The following SMARCA1 variants were observed in gnomAD, a reference collection of about 807,000 sequenced individuals.
SMARCA1 encodes SWI/SNF-related matrix-associated actin-dependent regulator of chromatin subfamily A member 1.
In SMARCA1, 17 loss-of-function variants were observed where a neutral mutation model predicts 93.6. The observed-to-expected ratio is 0.18, with a 90% confidence interval of 0.12 to 0.27. The LOEUF is 0.27. SMARCA1 is among the 10% of genes least tolerant of loss of function. The pLI is 1.00. For missense variants in SMARCA1, 630 were observed against 819.0 expected (o/e 0.77, Z 2.82); for synonymous variants, 271 against 271.4 (o/e 1.00, Z 0.01).
intron 19 of SMARCA1, among the ~76,000 whole-genome samples, chrX:129,475,997 G>T (rs956994881): frequency 2.7e-5 from 3 of 112,534 alleles, no homozygotes; most frequent in Admixed American, 1.9e-4. Context: ...GGGGATAAAT[G>T]TTAGAATGTT....
At chrX:129,510,534 T>C (rs1472121082) in intron 6 of SMARCA1, among the ~76,000 whole-genome samples, 1 of 111,805 alleles carries the variant, frequency 8.9e-6, no homozygotes, top group Non-Finnish European at 1.9e-5. Flanking sequence ...CATCACTGCA[T>C]TCCAGCCTGG....
At chrX:129,474,284 T>A (rs1933274234) in intron 19 of SMARCA1, among the ~76,000 whole-genome samples, 1 of 111,960 alleles carries the variant, frequency 8.9e-6, no homozygotes, top group South Asian at 3.7e-4. Flanking sequence ...GTATGTGAAA[T>A]TACTTTGGTT....
At chrX:129,495,571 G>A (rs766104364) in intron 12 of SMARCA1, among the ~76,000 whole-genome samples, 47 of 109,813 alleles carry the variant, frequency 4.3e-4, no homozygotes, top group Admixed American at 1.7e-3. Context: ...ACCGGGTCTC[G>A]CTATGTTGCT....
intron 11 of SMARCA1, among the ~76,000 whole-genome samples, chrX:129,497,182 G>C (rs777899241): frequency 9.0e-6 from 1 of 110,624 alleles, no homozygotes; most frequent in Non-Finnish European, 1.9e-5. Flanking sequence ...CTCTCTCACT[G>C]GACTACAGCA....
chrX:129,487,282 A>C (rs1933932842), intron 16 of SMARCA1, 145 bp from the exon 17 acceptor site: 1 of 374,440 alleles, frequency 2.7e-6, no homozygotes, highest in Non-Finnish European at 4.5e-6. Flanking sequence ...GCTAACATCA[A>C]ACCTGAAGTG....
intron 23 of SMARCA1, among the ~76,000 whole-genome samples, chrX:129,463,448 C>T (rs188755157): frequency 1.2e-4 from 13 of 111,784 alleles, no homozygotes; most frequent in African/African-American, 3.9e-4. Context: ...CTACATTGTT[C>T]TTCAATAATC....
In SMARCA1 at chrX:129,465,583, T is replaced by C; in HGVS notation, c.2967A>G (p.Arg989=). The part of the protein sequence containing the change: ...FDRENVYEEL[R]QCVRNAPQFR... Reference sequence around the variant, plus strand: ...ACTGGGGAGCATTTCGTACACACTGTCTTAATTCTTCATATACATTTTCTC... The same window carrying C: ...ACTGGGGAGCATTTCGTACACACTGCCTTAATTCTTCATATACATTTTCTC... Residue 989 remains arginine, a synonymous_variant, in exon 23 of 25, where the codon AGA becomes AGG. Transcript: ENST00000371121. 2.5e-6 allele frequency: 3 copies of C among 1,206,102 alleles called. No individual in the cohort carries two copies. Among genetic ancestry groups the C allele is most frequent in the Non-Finnish European group, 3.4e-6 (3 of 890,729 alleles).
chrX:129,499,733 A>C lies in SMARCA1; in HGVS notation c.1276T>G (p.Trp426Gly), dbSNP rs771354800. ...YLGLSKMQRE[W>G]YTKILMKDID... ...TTTAAAGGAAATGAAATAGCTCACCATTCTCGTTGCATCTTACTCAGCCCC... is the reference window on the plus strand; with the variant it reads ...TTTAAAGGAAATGAAATAGCTCACCCTTCTCGTTGCATCTTACTCAGCCCC... The change falls in exon 10 of 25, where the codon TGG (tryptophan) becomes GGG (glycine). Residue 426 changes from tryptophan to glycine, a missense_variant and splice_region_variant. By Grantham distance (184) the Trp-to-Gly change is radical. Transcript: ENST00000371121. 2.9e-6 allele frequency: 3 copies of C among 1,045,631 alleles called. No individual in the cohort carries two copies. The Admixed American group carries it at 6.7e-5, about 23-fold the overall frequency. 86.2% of individuals were successfully genotyped at this position (1,045,631 alleles called of 1,213,427 possible). A position where few individuals can be genotyped will look rare whatever the true frequency, so the allele number is the denominator to read the frequency against.
Position 129,448,327 on chromosome X carries a change from T to C in SMARCA1, c.3141+6A>G. Reference sequence around the variant, plus strand: ...CTAAAAGTTAGGAAAATGCTGAAAATTTTACCATTGGAGTTTTAGTTGCCC... The same window carrying C: ...CTAAAAGTTAGGAAAATGCTGAAAACTTTACCATTGGAGTTTTAGTTGCCC... On this transcript the variant is annotated splice_donor_region_variant and intron_variant, in intron 24 of 24. Coordinates refer to ENST00000371121, the MANE Select transcript of SMARCA1 (RefSeq NM_001282874.2). The C allele has an allele frequency of 8.3e-7, 1 of 1,203,739 alleles. No homozygotes were observed. The highest frequency in any genetic ancestry group is 1.1e-6 in the Non-Finnish European group (1 of 890,290).
chrX:129,522,175 A>G (rs1316215268), intron 1 of SMARCA1, among the ~76,000 whole-genome samples: 1 of 111,605 alleles, frequency 9.0e-6, no homozygotes, highest in Non-Finnish European at 1.9e-5. Flanking sequence ...TTATAGTTTT[A>G]TTTGCATGTC....
At chrX:129,510,186 A>G (rs1044380896) in intron 6 of SMARCA1, among the ~76,000 whole-genome samples, 14 of 112,413 alleles carry the variant, frequency 1.2e-4, no homozygotes, top group African/African-American at 3.9e-4. Context: ...GTATATACAT[A>G]TATGTTTGAG....
intron 19 of SMARCA1, 74 bp from the exon 20 acceptor site, chrX:129,471,400 A>T (rs1395370402): frequency 1.5e-6 from 1 of 658,353 alleles, no homozygotes; most frequent in Non-Finnish European, 2.3e-6. Flanking sequence ...TACACATATC[A>T]ATCTTTAGAG....
intron 17 of SMARCA1, among the ~76,000 whole-genome samples, chrX:129,482,152 A>G (rs1313910901): frequency 1.3e-5 from 1 of 78,047 alleles, no homozygotes; most frequent in East Asian, 4.6e-4. Context: ...GGACACAGGA[A>G]GGGGAATATC....
intron 16 of SMARCA1, among the ~76,000 whole-genome samples, chrX:129,488,599 C>T (rs1419808194): frequency 2.4e-5 from 2 of 82,930 alleles, no homozygotes; most frequent in Non-Finnish European, 4.5e-5. Flanking sequence ...CAGAGCAAAA[C>T]CCTGTCTCTT....
chrX:129,475,612 C>T (rs773418288), intron 19 of SMARCA1, among the ~76,000 whole-genome samples: 7 of 112,325 alleles, frequency 6.2e-5, no homozygotes, highest in Non-Finnish European at 1.1e-4. Flanking sequence ...CTCTATGTCT[C>T]ATTATGATCT....
intron 19 of SMARCA1, among the ~76,000 whole-genome samples, chrX:129,475,902 A>G (rs1432623997): frequency 8.9e-6 from 1 of 112,414 alleles, no homozygotes; most frequent in Non-Finnish European, 1.9e-5. Context: ...GTGGCCCACA[A>G]TGACACATTA....
chrX:129,448,652 G>C (rs953236176), intron 23 of SMARCA1, among the ~76,000 whole-genome samples: 4 of 109,824 alleles, frequency 3.6e-5, no homozygotes, highest in Non-Finnish European at 7.6e-5. Context: ...AACAAACCAT[G>C]ATACATCCAT....
Position 129,505,389 on chromosome X carries a change from G to A in SMARCA1, c.1099-587C>T, listed in dbSNP as rs141143969. Among the ~76,000 whole-genome samples, 7 of 110,585 alleles carry A rather than the reference G, an allele frequency of 6.3e-5. No individual in the cohort carries two copies. The East Asian group carries it at 2.0e-3, about 31-fold the overall frequency. ...TAGCCAGGTGTGGTGACGGGCACCT[G>A]TAATCCCAGCTACTGGGGAGGCTGA... On this transcript the variant is annotated intron_variant, in intron 8 of 24. Transcript: ENST00000371121.
At chrX:129,480,886 T>C in intron 18 of SMARCA1, 72 bp from the exon 19 acceptor site, 2 of 688,517 alleles carry the variant, frequency 2.9e-6, no homozygotes, top group Non-Finnish European at 4.3e-6. Context: ...TCTTTTACTA[T>C]TTCTGTGATA....
Sources: gnomAD v4.1 joint callset for allele counts (sites outside exome capture counted in the v4.1 genomes callset) on GRCh38, gnomAD v4.1.1 for gene constraint, MANE v1.5 for transcripts, NCBI Gene and HGNC (gene_info 2026-07-23, HGNC 2026-07-21) for gene names.